The following EFCAB8 variants were observed in gnomAD, a reference collection of about 807,000 sequenced individuals.
EFCAB8 encodes the protein EF-hand calcium binding domain 8.
Under a neutral mutation model 116.3 loss-of-function variants are expected in EFCAB8, and 100 were observed. The observed-to-expected ratio is 0.86, with a 90% CI of 0.73 to 1.02. The LOEUF (loss-of-function observed/expected upper bound fraction) is 1.02, where lower values mean the gene tolerates loss of function less well. EFCAB8 is among the 50% of genes least tolerant of loss of function. EFCAB8 has a pLI of 0.00. For missense variants in EFCAB8, 1,320 were observed against 1,416.9 expected (o/e 0.93, Z 1.10); for synonymous variants, 558 against 567.9 (o/e 0.98, Z 0.25).
At chr20:32,892,512 G>T (rs1329872689) in intron 8 of EFCAB8, among the ~76,000 whole-genome samples, 2 of 152,156 alleles carry the variant, frequency 1.3e-5, no homozygotes, top group African/African-American at 4.8e-5. Flanking sequence ...TGGAGTCATT[G>T]TCACTCCCCC....
At chr20:32,861,506 C>A (rs1006904645) in intron 1 of EFCAB8, among the ~76,000 whole-genome samples, 1 of 152,192 alleles carries the variant, frequency 6.6e-6, no homozygotes, top group African/African-American at 2.4e-5. Context: ...CCAGGCTGGT[C>A]TTGAACTCCT....
At chr20:32,891,666 G>C (rs1429075178) in intron 7 of EFCAB8, among the ~76,000 whole-genome samples, 1 of 152,246 alleles carries the variant, frequency 6.6e-6, no homozygotes, top group African/African-American at 2.4e-5. Context: ...GCCCAGTCCA[G>C]CCAGTGCTCC....
intron 11 of EFCAB8, among the ~76,000 whole-genome samples, chr20:32,906,266 C>T (rs963534313): frequency 5.3e-5 from 8 of 152,158 alleles, no homozygotes; most frequent in African/African-American, 2.4e-5. Context: ...TGTCAGGAGT[C>T]GCTCCTGCCT....
chr20:32,869,421 A>C (rs1394939164), intron 3 of EFCAB8, among the ~76,000 whole-genome samples: 1 of 152,088 alleles, frequency 6.6e-6, no homozygotes, highest in Non-Finnish European at 1.5e-5. Context: ...TTTTTAGTAG[A>C]GACGGGGTTT....
At chr20:32,949,671 A>C (rs1304158617) in intron 23 of EFCAB8, among the ~76,000 whole-genome samples, 1 of 152,214 alleles carries the variant, frequency 6.6e-6, no homozygotes. Flanking sequence ...AAAGCAATGA[A>C]CTTGGATCCA....
At chr20:32,881,270 C>G (rs1278476525) in intron 5 of EFCAB8, among the ~76,000 whole-genome samples, 3 of 152,190 alleles carry the variant, frequency 2.0e-5, no homozygotes, top group African/African-American at 7.2e-5. Flanking sequence ...GGTCTTAGCT[C>G]ACTGCAACCT....
chr20:32,922,080 C>T (rs1987485521), intron 20 of EFCAB8, among the ~76,000 whole-genome samples: 1 of 152,074 alleles, frequency 6.6e-6, no homozygotes, highest in Non-Finnish European at 1.5e-5. Flanking sequence ...CCACTGGCCT[C>T]GGCTTCCCAA....
chr20:32,943,677 C>T lies in EFCAB8; in HGVS notation c.2832C>T (p.Leu944=), dbSNP rs1988479504. The stretch of plus-strand genomic sequence containing the variant: ...CCATTTCCCTGGTTCCCCCCACGCT[C>T]CTGATGACCTGGAAAGGCCATTTGA... The part of the protein sequence containing the change: ...GHTISLVPPT[L]LMTWKGHLNS... Residue 944 remains leucine, a synonymous_variant, in exon 23 of 27, where the codon CTC becomes CTT. Transcript: ENST00000400522. 2.4e-6 allele frequency: 1 copy of T among 417,202 alleles called. No individual in the cohort carries two copies. The highest frequency in any genetic ancestry group is 4.4e-6 in the Non-Finnish European group (1 of 226,662). 25.8% of individuals were successfully genotyped at this position (417,202 alleles called of 1,614,324 possible).
At chr20:32,932,056 C>G (rs138116494) in intron 22 of EFCAB8, among the ~76,000 whole-genome samples, 492 of 152,246 alleles carry the variant, frequency 3.2e-3, no homozygotes, top group African/African-American at 0.011. Context: ...CGGGCCTGAT[C>G]ATGCAGTTGT....
At chr20:32,907,574 C>T (rs547966508) in intron 13 of EFCAB8, among the ~76,000 whole-genome samples, 58 of 152,290 alleles carry the variant, frequency 3.8e-4, no homozygotes, top group Middle Eastern at 3.4e-3. Context: ...GGACAGGTTA[C>T]GTTTTCTGGA....
At chr20:32,876,133 C>A in intron 4 of EFCAB8, 89 bp downstream of exon 4, 1 of 1,144,890 alleles carries the variant, frequency 8.7e-7, no homozygotes, top group Non-Finnish European at 1.3e-6. Flanking sequence ...AGATGGGAGG[C>A]CATCACGATG....
chr20:32,950,400 T>C (rs1036774154), intron 23 of EFCAB8, among the ~76,000 whole-genome samples: 2 of 152,168 alleles, frequency 1.3e-5, no homozygotes, highest in African/African-American at 4.8e-5. Flanking sequence ...TTGAAGAGAC[T>C]TCACTGTAAG....
intron 22 of EFCAB8, 89 bp downstream of exon 22, chr20:32,931,425 A>T (rs1987906156): frequency 1.4e-6 from 2 of 1,393,922 alleles, no homozygotes; most frequent in South Asian, 3.3e-5. Context: ...ACCCAAGAGA[A>T]ATACACTTAC....
chr20:32,910,577 A>G (rs985063918), intron 15 of EFCAB8, among the ~76,000 whole-genome samples: 5 of 152,068 alleles, frequency 3.3e-5, no homozygotes, highest in Non-Finnish European at 7.4e-5. Context: ...GGAGCTCACC[A>G]TTCTGGGCTT....
At chr20:32,944,241 C>T (rs1988509758) in intron 23 of EFCAB8, among the ~76,000 whole-genome samples, 1 of 152,016 alleles carries the variant, frequency 6.6e-6, no homozygotes, top group Non-Finnish European at 1.5e-5. Flanking sequence ...TTTTTGTCCC[C>T]TTTTCCTCCT....
chr20:32,931,471 A>G, intron 22 of EFCAB8, 135 bp downstream of exon 22: 3 of 1,219,794 alleles, frequency 2.5e-6, no homozygotes, highest in East Asian at 2.8e-5. Flanking sequence ...TAGAATTAGT[A>G]TTCGTGGCCA....
intron 23 of EFCAB8, among the ~76,000 whole-genome samples, chr20:32,951,826 A>G (rs559589963): frequency 6.6e-5 from 10 of 152,290 alleles, no homozygotes; most frequent in African/African-American, 1.9e-4. Flanking sequence ...ATCTTTTGCC[A>G]TTAAAAAAAA....
At chr20:32,930,660 A>T (rs1987870455) in intron 21 of EFCAB8, 44 bp downstream of exon 21, 1 of 1,528,610 alleles carries the variant, frequency 6.5e-7, no homozygotes, top group African/African-American at 1.4e-5. Context: ...GGTGCCAGCT[A>T]AGTGTTCGGC....
intron 22 of EFCAB8, among the ~76,000 whole-genome samples, chr20:32,942,760 A>G (rs151080904): frequency 6.6e-6 from 1 of 152,176 alleles, no homozygotes; most frequent in East Asian, 1.9e-4. Context: ...TAGGTGTTTT[A>G]TGATTTCATT....
Sources: gnomAD v4.1 joint callset for allele counts (sites outside exome capture counted in the v4.1 genomes callset) on GRCh38, gnomAD v4.1.1 for gene constraint, MANE v1.5 for transcripts, NCBI Gene and HGNC (gene_info 2026-07-23, HGNC 2026-07-21) for gene names.